PRICKLE2: variants seen among roughly 807,000 people sequenced by gnomAD.
PRICKLE2 encodes prickle-like protein 2.
In PRICKLE2, 21 loss-of-function variants were observed where a neutral mutation model predicts 81.4. The ratio of observed to expected loss-of-function variants is 0.26; its 90% CI spans 0.18 to 0.37. The LOEUF (loss-of-function observed/expected upper bound fraction) is 0.37. Among genes scored for constraint, PRICKLE2 ranks in the 10% least tolerant of loss-of-function variants. The probability of loss-of-function intolerance (pLI) is 1.00; values close to 1 mark genes in which losing one functional copy is unlikely to be tolerated. For synonymous variants in PRICKLE2, 456 were observed against 421.5 expected (o/e 1.08, Z -1.00); for missense variants, 940 against 1,109.0 (o/e 0.85, Z 2.16).
intron 6 of PRICKLE2, among the ~76,000 whole-genome samples, chr3:64,148,372 C>T (rs27651): frequency 1 from 152,215 of 152,342 alleles, 76,044 homozygotes; most frequent in Middle Eastern, 1. Flanking sequence ...ACAGTATATA[C>T]ATGCATCTGT....
chr3:64,217,726 T>C (rs565536620), intron 1 of PRICKLE2, among the ~76,000 whole-genome samples: 42 of 152,166 alleles, frequency 2.8e-4, no homozygotes, highest in African/African-American at 8.2e-4. Context: ...TGGGGATGCA[T>C]TGGGGCTGGA....
At chr3:64,181,902 A>G (rs2078141835) in intron 2 of PRICKLE2, among the ~76,000 whole-genome samples, 1 of 152,224 alleles carries the variant, frequency 6.6e-6, no homozygotes, top group Non-Finnish European at 1.5e-5. Flanking sequence ...AAAATCTTTC[A>G]TGGGTAATCT....
At chr3:64,160,416 A>G (rs528773621) in intron 3 of PRICKLE2, among the ~76,000 whole-genome samples, 3 of 152,278 alleles carry the variant, frequency 2.0e-5, no homozygotes, top group Admixed American at 2.0e-4. Flanking sequence ...GCCAGGAAAG[A>G]GCTGAGAAGT....
At chr3:64,219,984 A>G (rs2078926672) in intron 1 of PRICKLE2, among the ~76,000 whole-genome samples, 1 of 152,212 alleles carries the variant, frequency 6.6e-6, no homozygotes, top group African/African-American at 2.4e-5. Context: ...CGTAGCAAAC[A>G]CTCAGTAGGC....
intron 2 of PRICKLE2, among the ~76,000 whole-genome samples, chr3:64,237,474 A>T (rs1235997688): frequency 2.0e-5 from 3 of 152,034 alleles, no homozygotes; most frequent in Non-Finnish European, 4.4e-5. Context: ...CTGCCAAGCC[A>T]TCCCTGTGAA....
At position 64,147,239 on chromosome 3, in the gene PRICKLE2, C is replaced by T. The variant is rs2077471696; in HGVS notation, c.1251G>A (p.Gln417=). 1 of 1,608,710 alleles carries T rather than the reference C, an allele frequency of 6.2e-7. No individual in the cohort carries two copies. Reference sequence around the variant, plus strand: ...TTCTGATGTTGCACTGGCTGAGGAGCTGCAGAGGGCTCTGGGTCTGGTTCT... The same window carrying T: ...TTCTGATGTTGCACTGGCTGAGGAGTTGCAGAGGGCTCTGGGTCTGGTTCT... ...MEQNQTQSPL[Q]LLSQCNIRTS... is the part of the protein sequence containing the mutation. The change falls in exon 7 of 8, where the codon CAG becomes CAA. Residue 417 remains glutamine (Q), a synonymous_variant. Coordinates refer to ENST00000638394, the MANE Select transcript of PRICKLE2 (RefSeq NM_198859.4). The surrounding 1 kb of genome is among the most constrained non-coding windows in gnomAD (Gnocchi z 5.0).
chr3:64,210,747 C>A (rs187672250), intron 1 of PRICKLE2, among the ~76,000 whole-genome samples: 27 of 152,290 alleles, frequency 1.8e-4, no homozygotes, highest in African/African-American at 6.5e-4. Flanking sequence ...TAAAAATAAG[C>A]CTCCTGGGTG....
intron 7 of PRICKLE2, among the ~76,000 whole-genome samples, chr3:64,118,731 T>A (rs1452801437): frequency 1.3e-5 from 2 of 150,010 alleles, no homozygotes; most frequent in South Asian, 2.1e-4. Context: ...GCAAAAAAAA[T>A]ATGGATTATG....
intron 2 of PRICKLE2, among the ~76,000 whole-genome samples, chr3:64,164,369 T>A (rs1372187177): frequency 1.3e-5 from 2 of 151,852 alleles, no homozygotes; most frequent in African/African-American, 4.9e-5. Context: ...AAAAAAAAAA[T>A]TTGTTACATT....
At chr3:64,119,152 T>C (rs1478825882) in intron 7 of PRICKLE2, among the ~76,000 whole-genome samples, 1 of 152,126 alleles carries the variant, frequency 6.6e-6, no homozygotes, top group African/African-American at 2.4e-5. Context: ...TTCTTACTTA[T>C]AAGTGGGAGC....
At chr3:64,255,968 C>T (rs527680972) in intron 2 of PRICKLE2, among the ~76,000 whole-genome samples, 3 of 152,150 alleles carry the variant, frequency 2.0e-5, no homozygotes, top group African/African-American at 4.8e-5. Context: ...AGCCATATGC[C>T]GAGGTTGGCA....
At chr3:64,237,439 G>C (rs1395994032) in intron 2 of PRICKLE2, among the ~76,000 whole-genome samples, 1 of 152,014 alleles carries the variant, frequency 6.6e-6, no homozygotes, top group African/African-American at 2.4e-5. Context: ...GGCCATCTCC[G>C]GCCGAACTCT....
intron 2 of PRICKLE2, among the ~76,000 whole-genome samples, chr3:64,186,750 A>G (rs2078241950): frequency 6.6e-6 from 1 of 152,200 alleles, no homozygotes; most frequent in African/African-American, 2.4e-5. Context: ...AGATAAATAG[A>G]TTGAGGAAGG....
At chr3:64,206,187 T>C (rs1400818085) in intron 1 of PRICKLE2, among the ~76,000 whole-genome samples, 1 of 151,732 alleles carries the variant, frequency 6.6e-6, no homozygotes, top group Admixed American at 6.6e-5. Flanking sequence ...GTGACTATAA[T>C]TGGATAGGTC....
rs5849583 is a variant in PRICKLE2 at position 64,266,941 on chromosome 3, T to TAA, written c.129-67976_129-67975dup. Among the ~76,000 whole-genome samples, 73 of 105,990 alleles carry TAA rather than the reference T, an allele frequency of 6.9e-4. 1 individual carries two copies. The highest frequency in any genetic ancestry group is 1.4e-3 in the African/African-American group (43 of 29,840). 69.5% of individuals were successfully genotyped at this position (105,990 alleles called of 152,430 possible). On this transcript the variant is annotated intron_variant, in intron 2 of 8. Transcript: ENST00000295902. The stretch of plus-strand genomic sequence containing the variant: ...GGCATGTCTTCCAGCTGCCTCATCT[T>TAA]AAAAAAAAAAAAAAGTAAACTGACC...
chr3:64,232,954 A>C (rs1203605354), intron 2 of PRICKLE2, among the ~76,000 whole-genome samples: 2 of 152,196 alleles, frequency 1.3e-5, no homozygotes, highest in African/African-American at 4.8e-5. Context: ...ACGTTTTTGC[A>C]AATACTTTTA....
intron 2 of PRICKLE2, chr3:64,268,149 G>A (rs1173647508): frequency 6.6e-6 from 1 of 152,330 alleles, no homozygotes; most frequent in African/African-American, 2.4e-5. Context: ...AATCGCTCAG[G>A]TCCTGGGGAG....
chr3:64,099,060 G>A lies in PRICKLE2; in HGVS notation c.2526C>T (p.Ile842=), dbSNP rs2076610677. ...CCTGATCCCAATCATATTAAGAAAT[G>A]ATACAGTTTTTGCTCTTCTGTCTTT... ...SRKRQKSKNC[I]IS Residue 842 remains isoleucine (I), a synonymous_variant, in exon 8 of 8, where the codon ATC becomes ATT. Transcript: ENST00000638394. This position sits in a 1 kb window ranked among gnomAD's most constrained non-coding sequence, Gnocchi z 4.3. 3.1e-6 allele frequency: 5 copies of A among 1,614,014 alleles called. No homozygotes were observed. The East Asian group carries it at 6.7e-5, about 22-fold the overall frequency.
At chr3:64,250,730 G>C (rs1488707269) in intron 2 of PRICKLE2, among the ~76,000 whole-genome samples, 1 of 152,206 alleles carries the variant, frequency 6.6e-6, no homozygotes, top group African/African-American at 2.4e-5. Context: ...TATCACTGTA[G>C]TGCATGGAGT....
Sources: allele counts gnomAD v4.1 joint callset (sites outside exome capture counted in the v4.1 genomes callset), GRCh38; gene constraint gnomAD v4.1.1; non-coding constraint Gnocchi (gnomAD v3.1); transcripts MANE v1.5; gene names NCBI Gene and HGNC (gene_info 2026-07-23, HGNC 2026-07-21).